Variants in GOLGA7B observed in about 807,000 individuals in gnomAD.
GOLGA7B encodes golgin A7 family member B.
GOLGA7B carries 17 observed loss-of-function variants against 21.5 expected under a neutral mutation model. That is an observed-to-expected ratio of 0.79 (90% CI 0.54 to 1.19). The LOEUF (loss-of-function observed/expected upper bound fraction) is 1.19, where lower values mean the gene tolerates loss of function less well. Among genes scored for constraint, GOLGA7B ranks in the 50% most tolerant of loss-of-function variants. The pLI is 0.00. For missense variants in GOLGA7B, 169 were observed against 224.4 expected, an observed-to-expected ratio of 0.75 and a Z score of 1.58; for synonymous variants, 87 against 84.0, an observed-to-expected ratio of 1.04 and a Z score of -0.19.
At chr10:97,853,535 T>C (rs1201897655) in intron 1 of GOLGA7B, among the ~76,000 whole-genome samples, 1 of 152,168 alleles carries the variant, frequency 6.6e-6, no homozygotes, top group African/African-American at 2.4e-5. Context: ...TGAAAATTGG[T>C]ACCCATGGGT....
chr10:97,862,176 T>C (rs1461643900), intron 2 of GOLGA7B, among the ~76,000 whole-genome samples: 1 of 152,220 alleles, frequency 6.6e-6, no homozygotes, highest in African/African-American at 2.4e-5. Flanking sequence ...CAAGTTTACT[T>C]AGCAGTCACT....
intron 1 of GOLGA7B, among the ~76,000 whole-genome samples, chr10:97,850,921 G>A (rs2049901845): frequency 6.9e-6 from 1 of 143,980 alleles, no homozygotes; most frequent in South Asian, 2.2e-4. Context: ...GGGAGTTTCT[G>A]CCTTCTTCAA....
At chr10:97,850,687 T>G (rs1434838538) in intron 1 of GOLGA7B, among the ~76,000 whole-genome samples, 2 of 152,140 alleles carry the variant, frequency 1.3e-5, no homozygotes, top group Middle Eastern at 6.3e-3. Context: ...TGTCCGCTGT[T>G]GCTATGCAGT....
intron 3 of GOLGA7B, 38 bp from the exon 4 acceptor site, chr10:97,864,128 CTG>C: frequency 6.2e-7 from 1 of 1,613,982 alleles, no homozygotes; most frequent in East Asian, 2.2e-5. Context: ...CAGGGCTGCC[CTG>C]TGGCATGCTC....
At chr10:97,864,344 A>C in intron 4 of GOLGA7B, 75 bp downstream of exon 4, 1 of 1,283,154 alleles carries the variant, frequency 7.8e-7, no homozygotes, top group South Asian at 1.2e-5. Context: ...GCTGCCAGGA[A>C]ACGAGGCCAC....
At chr10:97,865,239 TCCTCATACTTCCTGTGCAGTGACACCA>T (rs1370248277) in intron 4 of GOLGA7B, 4 of 285,616 alleles carry the variant, frequency 1.4e-5, no homozygotes, top group African/African-American at 2.1e-5. Context: ...GACACTAAAG[TCCTCATACTTCCTGTGCAGTGACACCA>T]CCTCCCTGGG....
intron 1 of GOLGA7B, among the ~76,000 whole-genome samples, chr10:97,853,885 C>T (rs1404875231): frequency 6.6e-6 from 1 of 152,228 alleles, no homozygotes; most frequent in African/African-American, 2.4e-5. Flanking sequence ...GGGCCCCAGC[C>T]ATGGGATTCT....
chr10:97,852,896 A>G (rs2049912540), intron 1 of GOLGA7B, among the ~76,000 whole-genome samples: 1 of 152,148 alleles, frequency 6.6e-6, no homozygotes, highest in Non-Finnish European at 1.5e-5. Context: ...AGCTGCAATG[A>G]GCCCATTTTC....
At chr10:97,853,148 C>G (rs2049914162) in intron 1 of GOLGA7B, among the ~76,000 whole-genome samples, 1 of 152,162 alleles carries the variant, frequency 6.6e-6, no homozygotes, top group Non-Finnish European at 1.5e-5. Flanking sequence ...GGCTTGAGCA[C>G]TGGTACAGGC....
Position 97,859,533 on chromosome 10 carries a change from G to A in GOLGA7B, c.88G>A (p.Gly30Arg), listed in dbSNP as rs2049957797. ...CTTTATCCAGAGAGACTACAGCGAT[G>A]GGACCATCTGTCAGTTCCAGACCAA... ...KVFIQRDYSD[G>R]TICQFQTKFP... The change falls in exon 2 of 5, where the codon GGG becomes AGG. Residue 30 changes from glycine (G) to arginine (R), a missense_variant. Transcript: ENST00000370602. The A allele has an allele frequency of 1.9e-6, 3 of 1,614,144 alleles. No individual in the cohort carries two copies. In the African/African-American group the frequency reaches 4.0e-5, roughly 22 times the overall value.
chr10:97,850,254 G>A lies in GOLGA7B; in HGVS notation c.-50G>A. ...CACCTGCTCCCGGGGTCAGCACCGC[G>A]GAGACCCCCCTCGCCCGGCCCCGCG... On this transcript the variant is annotated 5_prime_UTR_variant, in exon 1 of 5. Transcript: ENST00000370602. The A allele has an allele frequency of 7.0e-7, 1 of 1,418,612 alleles. No individual in the cohort carries two copies. The highest frequency in any genetic ancestry group is 1.5e-5 in the African/African-American group (1 of 67,060). 87.9% of individuals were successfully genotyped at this position (1,418,612 alleles called of 1,614,324 possible).
At chr10:97,851,222 G>A (rs767124658) in intron 1 of GOLGA7B, among the ~76,000 whole-genome samples, 3 of 152,160 alleles carry the variant, frequency 2.0e-5, no homozygotes, top group Non-Finnish European at 2.9e-5. Context: ...CGAAACTCAG[G>A]ACATCAGGGT....
At chr10:97,853,020 T>G (rs899130104) in intron 1 of GOLGA7B, among the ~76,000 whole-genome samples, 2 of 151,958 alleles carry the variant, frequency 1.3e-5, no homozygotes, top group African/African-American at 4.8e-5. Flanking sequence ...CTTCTCCAAG[T>G]GGTGGGGTTT....
rs752404058 is a variant in GOLGA7B at position 97,865,591 on chromosome 10, T to C, written c.395T>C (p.Ile132Thr). The part of the protein sequence containing the change: ...TDPVERGMRV[I>T]EISIYEDRCS... Reference sequence around the variant, plus strand: ...GCTCTCCTTAACCACCGACCCCAGATTGAGATCTCCATCTACGAGGACCGG... The same window carrying C: ...GCTCTCCTTAACCACCGACCCCAGACTGAGATCTCCATCTACGAGGACCGG... Residue 132 changes from isoleucine (I) to threonine (T), a missense_variant and splice_region_variant, in exon 5 of 5, where the codon ATT (isoleucine) becomes ACT (threonine). Ile to Thr is a moderately conservative substitution (Grantham distance 89). Coordinates refer to ENST00000370602, the MANE Select transcript of GOLGA7B (RefSeq NM_001010917.3). The C allele has an allele frequency of 2.5e-6, 4 of 1,613,096 alleles. No individual in the cohort carries two copies. The highest frequency in any genetic ancestry group is 3.4e-6 in the Non-Finnish European group (4 of 1,179,324).
chr10:97,866,757 C>T lies in GOLGA7B; in HGVS notation c.*1057C>T, dbSNP rs2050030954. 2.0e-5 allele frequency: 3 copies of T among 152,194 alleles called. No individual in the cohort carries two copies. Among genetic ancestry groups the T allele is most frequent in the African/African-American group, 7.2e-5 (3 of 41,412 alleles). The allele number at this position is 152,194 out of a possible 1,614,324, so 9.4% of individuals were successfully genotyped here. A position where few individuals can be genotyped will look rare whatever the true frequency, so the allele number is the denominator to read the frequency against. ...GTGTGAGTGCATGCATGTGCATGAA[C>T]ATGTGTGCACAAGCATGTGTGTATG... On this transcript the variant is annotated 3_prime_UTR_variant, in exon 5 of 5. Coordinates refer to ENST00000370602, the MANE Select transcript of GOLGA7B (RefSeq NM_001010917.3).
chr10:97,850,984 C>A (rs1020310718), intron 1 of GOLGA7B, among the ~76,000 whole-genome samples: 73 of 151,834 alleles, frequency 4.8e-4, no homozygotes, highest in African/African-American at 1.7e-3. Flanking sequence ...AACCACGGGG[C>A]CTGTTAGCTA....
At chr10:97,858,700 T>C (rs560632671) in intron 1 of GOLGA7B, among the ~76,000 whole-genome samples, 23 of 152,336 alleles carry the variant, frequency 1.5e-4, no homozygotes, top group African/African-American at 5.3e-4. Flanking sequence ...CTGGAGAAGT[T>C]TGGACATTCA....
rs539799362 is a variant in GOLGA7B, at chr10:97,849,885, G to C, written c.-419G>C. On this transcript the variant is annotated 5_prime_UTR_variant, in exon 1 of 5. Coordinates refer to ENST00000370602, the MANE Select transcript of GOLGA7B (RefSeq NM_001010917.3). ...TGTGGCCCGGGCGGGGCTCCTCTCC[G>C]GCGGCGCCGGAGTCTGGGGGCCGCG... 4.0e-5 allele frequency: 6 copies of C among 151,844 alleles called. No individual in the cohort carries two copies. Among genetic ancestry groups the C allele is most frequent in the East Asian group, 1.9e-4 (1 of 5,168 alleles). The allele number at this position is 151,844 out of a possible 1,614,324, so 9.4% of individuals were successfully genotyped here. A position where few individuals can be genotyped will look rare whatever the true frequency, so the allele number is the denominator to read the frequency against.
intron 1 of GOLGA7B, among the ~76,000 whole-genome samples, chr10:97,853,612 C>T (rs1276575793): frequency 6.6e-6 from 1 of 152,152 alleles, no homozygotes; most frequent in East Asian, 1.9e-4. Flanking sequence ...GCCAGTGAGC[C>T]AGGGGTGGCA....
Sources: allele counts gnomAD v4.1 joint callset (sites outside exome capture counted in the v4.1 genomes callset), GRCh38; gene constraint gnomAD v4.1.1; transcripts MANE v1.5; gene names NCBI Gene and HGNC (gene_info 2026-07-23, HGNC 2026-07-21).